The following RNF8 variants were observed in gnomAD, a reference collection of about 807,000 sequenced individuals.
RNF8 encodes ring finger protein 8.
RNF8 carries 8 observed loss-of-function variants against 59.3 expected under a neutral mutation model. The ratio of observed to expected loss-of-function variants is 0.13; its 90% CI spans 0.08 to 0.24. The LOEUF (loss-of-function observed/expected upper bound fraction) is 0.24, where lower values mean the gene tolerates loss of function less well. RNF8 is among the 10% of genes least tolerant of loss of function. The pLI is 1.00. For synonymous variants in RNF8, 162 were observed against 200.0 expected, an observed-to-expected ratio of 0.81 and a Z score of 1.60; for missense variants, 406 against 572.6, an observed-to-expected ratio of 0.71 and a Z score of 2.97.
chr6:37,390,304 C>T (rs937756249), intron 7 of RNF8, among the ~76,000 whole-genome samples: 1 of 152,120 alleles, frequency 6.6e-6, no homozygotes, highest in Non-Finnish European at 1.5e-5. Context: ...AAAGCCTTGG[C>T]AATTCTTGAT....
intron 6 of RNF8, among the ~76,000 whole-genome samples, chr6:37,380,742 G>T (rs1283155318): frequency 6.6e-6 from 1 of 151,640 alleles, no homozygotes; most frequent in Non-Finnish European, 1.5e-5. Flanking sequence ...GAGTGCAGTG[G>T]TGTGATTTTG....
At chr6:37,387,967 G>A (rs1035614073) in intron 7 of RNF8, among the ~76,000 whole-genome samples, 2 of 152,216 alleles carry the variant, frequency 1.3e-5, no homozygotes, top group Non-Finnish European at 2.9e-5. Flanking sequence ...GGGTCATGCA[G>A]GGTGTTACAG....
intron 5 of RNF8, 92 bp from the exon 6 acceptor site, chr6:37,376,834 G>T: frequency 1.3e-6 from 1 of 771,246 alleles, no homozygotes; most frequent in South Asian, 1.4e-5. Flanking sequence ...CATTAAGACT[G>T]AATCCTCTTC....
rs763743968 is a variant in RNF8, at chr6:37,368,783, T to C, written c.540T>C (p.Ser180=). 1 of 1,614,198 alleles carries C rather than the reference T, an allele frequency of 6.2e-7. No individual in the cohort carries two copies. Among genetic ancestry groups the C allele is most frequent in the South Asian group, 1.1e-5 (1 of 91,086 alleles). The change falls in exon 3 of 8, where the codon TCT becomes TCC. Residue 180 remains serine, a synonymous_variant. Transcript: ENST00000373479. The stretch of plus-strand genomic sequence containing the variant: ...TGAAATCCAAAATAAATAAAGTGTC[T>C]TGTGAATCTGGTCAGCCAGTGAAAT... ...SNLKSKINKV[S]CESGQPVKSQ...
At chr6:37,374,976 C>T (rs572273302) in intron 5 of RNF8, among the ~76,000 whole-genome samples, 2 of 152,334 alleles carry the variant, frequency 1.3e-5, no homozygotes, top group East Asian at 3.9e-4. Context: ...GGTACTCCTT[C>T]AGAGTGTGTC....
In RNF8 at chr6:37,368,544, C is replaced by A. The variant is rs1054331529; in HGVS notation, c.301C>A (p.His101Asn). 6.2e-7 allele frequency: 1 copy of A among 1,614,000 alleles called. No individual in the cohort carries two copies. The highest frequency in any genetic ancestry group is 1.7e-5 in the Admixed American group (1 of 60,008). The change falls in exon 3 of 8, where the codon CAT becomes AAT. Residue 101 changes from histidine (H) to asparagine (N), a missense_variant. His to Asn is a moderately conservative substitution (Grantham distance 68). Around this residue, in one of 3 missense-constraint regions of RNF8, gnomAD observed 285 missense variants for 342.0 expected, o/e 0.83. Transcript: ENST00000373479. Reference protein sequence around the residue: ...RLEPLRVYSIHQGDYIQLGVP... With the variant: ...RLEPLRVYSINQGDYIQLGVP... ...GGAACCTTTAAGGGTCTATTCCATT[C>A]ATCAGGGAGACTACATCCAACTTGG...
At chr6:37,358,045 G>A (rs1234821300) in intron 1 of RNF8, among the ~76,000 whole-genome samples, 1 of 152,194 alleles carries the variant, frequency 6.6e-6, no homozygotes, top group Non-Finnish European at 1.5e-5. Context: ...TTTAGACAGA[G>A]GTAATCAGAG....
chr6:37,387,525 A>G (rs1349550221), intron 7 of RNF8, among the ~76,000 whole-genome samples: 1 of 151,800 alleles, frequency 6.6e-6, no homozygotes, highest in African/African-American at 2.4e-5. Context: ...TATTTTCTGT[A>G]GAGATGGGGT....
chr6:37,390,283 GGGTGAT>G (rs201700922), intron 7 of RNF8, among the ~76,000 whole-genome samples: 3,290 of 152,296 alleles, frequency 0.022, 101 homozygotes, highest in African/African-American at 0.073. Flanking sequence ...AGGGGAGAAG[GGGTGAT>G]GGTGAAAGCC....
At position 37,357,788 on chromosome 6, in the gene RNF8, C is replaced by G. The variant is rs1048353303; in HGVS notation, c.112-2658C>G. 1.3e-4 allele frequency among the ~76,000 whole-genome samples: 20 copies of G among 152,112 alleles called. 1 individual carries two copies. ...TCTCTAACTTCTGACCTAAAAACAC[C>G]CACCCTAAAATCTTGAGGACTCATA... is the stretch of plus-strand genomic sequence containing the variant. On this transcript the variant is annotated intron_variant, in intron 1 of 7. Transcript: ENST00000373479.
intron 3 of RNF8, 68 bp downstream of exon 3, chr6:37,369,286 C>A: frequency 1.4e-6 from 2 of 1,471,558 alleles, no homozygotes; most frequent in South Asian, 1.4e-5. Context: ...GAGTCTCTGG[C>A]CAGAGTTCTC....
chr6:37,361,464 C>CA, intron 2 of RNF8: 1 of 412,612 alleles, frequency 2.4e-6, no homozygotes, highest in South Asian at 1.8e-5. Flanking sequence ...GTGTGGCTGA[C>CA]ATAGTGAAGC....
At chr6:37,362,693 G>T (rs899246382) in intron 2 of RNF8, among the ~76,000 whole-genome samples, 5 of 152,128 alleles carry the variant, frequency 3.3e-5, no homozygotes, top group Non-Finnish European at 7.3e-5. Flanking sequence ...CAGCTGTAGG[G>T]TATTATTGCT....
chr6:37,390,523 G>T (rs1003349682), intron 7 of RNF8, among the ~76,000 whole-genome samples: 2 of 152,132 alleles, frequency 1.3e-5, no homozygotes. Flanking sequence ...AGATTTTGTA[G>T]GGCCTTGTAG....
chr6:37,363,320 C>T (rs145460792), intron 2 of RNF8, among the ~76,000 whole-genome samples: 6 of 152,234 alleles, frequency 3.9e-5, no homozygotes, highest in East Asian at 3.9e-4. Context: ...ACAATAAAAG[C>T]GTTCATTCGT....
Position 37,360,623 on chromosome 6 carries a change from CTTTTT to C in RNF8, c.240+59_240+63del. On this transcript the variant is annotated intron_variant, in intron 2 of 7. Transcript: ENST00000373479. The surrounding 1 kb of genome is among the most constrained non-coding windows in gnomAD (Gnocchi z 4.2). ...ATGACTTTTATTTGTTTTTAAATTA[CTTTTT>C]TTTTTTTTTGCATAGGTAATTCATG... 3.2e-6 allele frequency: 4 copies of C among 1,269,078 alleles called. No homozygotes were observed. Among genetic ancestry groups the C allele is most frequent in the South Asian group, 1.5e-5 (1 of 65,140 alleles). The allele number at this position is 1,269,078 out of a possible 1,614,324, so 78.6% of individuals were successfully genotyped here.
At chr6:37,382,371 A>G (rs2113832002) in intron 7 of RNF8, among the ~76,000 whole-genome samples, 1 of 152,326 alleles carries the variant, frequency 6.6e-6, no homozygotes, top group African/African-American at 2.4e-5. Flanking sequence ...GCAGTAGCAC[A>G]AGCAAAACAC....
intron 7 of RNF8, among the ~76,000 whole-genome samples, chr6:37,385,579 A>G (rs2113834277): frequency 6.6e-6 from 1 of 152,034 alleles, no homozygotes. Context: ...GTGAGCCGAG[A>G]TCATGCCACT....
At chr6:37,373,786 T>C (rs1276184431) in intron 4 of RNF8, among the ~76,000 whole-genome samples, 1 of 152,216 alleles carries the variant, frequency 6.6e-6, no homozygotes, top group African/African-American at 2.4e-5. Flanking sequence ...GACCCAGGCC[T>C]TTTGACATAA....
Sources: gnomAD v4.1 joint callset for allele counts (sites outside exome capture counted in the v4.1 genomes callset) on GRCh38, gnomAD v4.1.1 for gene constraint, gnomAD v4.1.1 regional missense constraint, Gnocchi (gnomAD v3.1) non-coding constraint, MANE v1.5 for transcripts, NCBI Gene and HGNC (gene_info 2026-07-23, HGNC 2026-07-21) for gene names.